The following KIF21A variants were observed in gnomAD, a reference collection of about 807,000 sequenced individuals.
KIF21A encodes kinesin-like protein KIF21A.
In KIF21A, 114 loss-of-function variants were observed where a neutral mutation model predicts 202.9. The observed-to-expected ratio is 0.56, with a 90% CI of 0.48 to 0.66. KIF21A has a LOEUF of 0.66. KIF21A is among the 30% of genes least tolerant of loss of function. The pLI, the probability that KIF21A is intolerant of heterozygous loss-of-function variation, is 0.00. For missense variants in KIF21A, 1,677 were observed against 1,994.9 expected (o/e 0.84, Z 3.04); for synonymous variants, 667 against 670.8 (o/e 0.99, Z 0.09).
At position 39,301,541 on chromosome 12, in the gene KIF21A, C is replaced by A. The variant is rs747732382; in HGVS notation, c.4870G>T (p.Gly1624Cys). Residue 1624 changes from glycine (G) to cysteine (C), a missense_variant, in exon 37 of 38, where the codon GGT becomes TGT. This residue lies in a region of KIF21A where 705 missense variants were observed against 791.9 expected (regional missense o/e 0.89). Coordinates refer to ENST00000361418, the MANE Select transcript of KIF21A (RefSeq NM_001173464.2). ...DTFMPVGEMK[G>C]HDSPINAICV... ...ATGGCATTGATAGGACTATCATGAC[C>A]CTTCATCTCTCCCACTGGCATAAAA... 1 of 1,613,968 alleles carries A rather than the reference C, an allele frequency of 6.2e-7. No individual in the cohort carries two copies. The highest frequency in any genetic ancestry group is 1.1e-5 in the South Asian group (1 of 91,070).
intron 1 of KIF21A, among the ~76,000 whole-genome samples, chr12:39,405,634 T>G (rs998783081): frequency 2.0e-5 from 3 of 152,156 alleles, no homozygotes; most frequent in African/African-American, 7.2e-5. Flanking sequence ...TACATTAACA[T>G]TTAAGAAACA....
chr12:39,350,811 A>C (rs1354555217), intron 11 of KIF21A, among the ~76,000 whole-genome samples: 1 of 152,070 alleles, frequency 6.6e-6, no homozygotes, highest in East Asian at 1.9e-4. Flanking sequence ...ACTTCCAATG[A>C]CTTTGATCAA....
chr12:39,366,282 A>G, intron 6 of KIF21A, 68 bp downstream of exon 6: 1 of 1,400,642 alleles, frequency 7.1e-7, no homozygotes, highest in Non-Finnish European at 1.0e-6. Flanking sequence ...TGGATATTAT[A>G]AATTACAAAA....
Position 39,315,244 on chromosome 12 carries a change from C to T in KIF21A, c.3948-4G>A. ...CCCTGCCTACCTTCTGGAGGATCTGCTGATGATCAGCAAAAATGGCCATAA... is the reference window on the plus strand; with the variant it reads ...CCCTGCCTACCTTCTGGAGGATCTGTTGATGATCAGCAAAAATGGCCATAA... On this transcript the variant is annotated splice_region_variant and splice_polypyrimidine_tract_variant and intron_variant, in intron 30 of 37. Transcript: ENST00000361418. 6.2e-7 allele frequency: 1 copy of T among 1,611,526 alleles called. No individual in the cohort carries two copies. Among genetic ancestry groups the T allele is most frequent in the Non-Finnish European group, 8.5e-7 (1 of 1,178,410 alleles).
intron 24 of KIF21A, among the ~76,000 whole-genome samples, chr12:39,326,613 G>C (rs956310425): frequency 6.6e-6 from 1 of 152,180 alleles, no homozygotes; most frequent in Non-Finnish European, 1.5e-5. Flanking sequence ...TATGAATACT[G>C]AAGAGTCATG....
At chr12:39,315,818 G>T in intron 30 of KIF21A, 114 bp downstream of exon 30, 1 of 798,460 alleles carries the variant, frequency 1.3e-6, no homozygotes, top group South Asian at 1.3e-5. Flanking sequence ...GCATTTATAT[G>T]ATTTACAACA....
chr12:39,371,490 A>G (rs2139213364), intron 1 of KIF21A, among the ~76,000 whole-genome samples: 1 of 152,324 alleles, frequency 6.6e-6, no homozygotes, highest in African/African-American at 2.4e-5. Context: ...AGAACAAACC[A>G]AAATCTAGTC....
intron 7 of KIF21A, among the ~76,000 whole-genome samples, chr12:39,361,631 G>A (rs1450006600): frequency 1.5e-5 from 2 of 129,478 alleles, no homozygotes; most frequent in Non-Finnish European, 3.1e-5. Flanking sequence ...TCAGCCTCCC[G>A]AGTAGCTGGG....
Position 39,340,199 on chromosome 12 carries a change from A to T in KIF21A, c.2276T>A (p.Leu759Ter). 1 of 1,612,972 alleles carries T rather than the reference A, an allele frequency of 6.2e-7. No individual in the cohort carries two copies. The highest frequency in any genetic ancestry group is 8.5e-7 in the Non-Finnish European group (1 of 1,179,552). ...QSQYEKQLKK[L>*]QQDVMEMKKT... is the part of the protein sequence containing the mutation. The stretch of plus-strand genomic sequence containing the variant: ...TTTCATTTCCATCACATCCTGCTGC[A>T]ATTTCTTCAATTGCTTTTCATACTG... The change falls in exon 16 of 38, where the codon TTG (leucine) becomes TAG (stop). Residue 759 changes from leucine to a stop codon, truncating the protein, a stop_gained. Coordinates refer to ENST00000361418, the MANE Select transcript of KIF21A (RefSeq NM_001173464.2). LOFTEE classifies it high-confidence loss of function.
intron 1 of KIF21A, among the ~76,000 whole-genome samples, chr12:39,377,110 T>C (rs1950317757): frequency 6.6e-6 from 1 of 152,158 alleles, no homozygotes; most frequent in Non-Finnish European, 1.5e-5. Context: ...TATTCAATAA[T>C]CTGACCTGAT....
chr12:39,414,929 T>C (rs1953417164), intron 1 of KIF21A, among the ~76,000 whole-genome samples: 1 of 111,878 alleles, frequency 8.9e-6, no homozygotes, highest in African/African-American at 5.5e-5. Flanking sequence ...GTTTTTTGGA[T>C]TTTTTTTTTT....
chr12:39,360,654 G>T (rs770822457), intron 7 of KIF21A, among the ~76,000 whole-genome samples: 1 of 150,246 alleles, frequency 6.7e-6, no homozygotes, highest in African/African-American at 2.5e-5. Flanking sequence ...AGGCCTCAAA[G>T]TACTGGGATT....
intron 21 of KIF21A, 186 bp from the exon 22 acceptor site, chr12:39,331,977 A>G: frequency 1.5e-6 from 1 of 673,440 alleles, no homozygotes; most frequent in Non-Finnish European, 2.6e-6. Flanking sequence ...TAAGCAGTTA[A>G]GAATTCAAGG....
intron 35 of KIF21A, 127 bp downstream of exon 35, chr12:39,304,694 T>C: frequency 3.1e-6 from 2 of 641,504 alleles, no homozygotes; most frequent in South Asian, 1.8e-5. Flanking sequence ...GAGGAAAAGA[T>C]TAAAAAGAAA....
chr12:39,361,491 A>G (rs1949204705), intron 7 of KIF21A, among the ~76,000 whole-genome samples: 1 of 151,384 alleles, frequency 6.6e-6, no homozygotes, highest in Non-Finnish European at 1.5e-5. Context: ...AAAAATGACA[A>G]TGTTGTATTC....
chr12:39,321,345 T>G (rs1355455279), intron 27 of KIF21A: 2 of 152,188 alleles, frequency 1.3e-5, no homozygotes, highest in African/African-American at 4.8e-5. Context: ...ACAAATAGAT[T>G]ACCTGAATCT....
intron 1 of KIF21A, among the ~76,000 whole-genome samples, chr12:39,412,500 C>G (rs1001862941): frequency 6.6e-6 from 1 of 152,042 alleles, no homozygotes; most frequent in African/African-American, 2.4e-5. Flanking sequence ...GCAGATCGCT[C>G]GAGCTCAGGA....
chr12:39,333,287 A>G lies in KIF21A; in HGVS notation c.2419-7T>C. ...CCAGAAGTCTAAGTTGATGCTATAAAATAATATTAAATAAGTGGAAATAGT... is the reference window on the plus strand; with the variant it reads ...CCAGAAGTCTAAGTTGATGCTATAAGATAATATTAAATAAGTGGAAATAGT... On this transcript the variant is annotated splice_polypyrimidine_tract_variant and splice_region_variant and intron_variant, in intron 17 of 37. Coordinates refer to ENST00000361418, the MANE Select transcript of KIF21A (RefSeq NM_001173464.2). 3 of 1,534,826 alleles carry G rather than the reference A, an allele frequency of 2.0e-6. No homozygotes were observed. Among genetic ancestry groups the G allele is most frequent in the Non-Finnish European group, 2.7e-6 (3 of 1,108,040 alleles).
At chr12:39,402,377 C>T (rs943108413) in intron 1 of KIF21A, among the ~76,000 whole-genome samples, 7 of 152,054 alleles carry the variant, frequency 4.6e-5, no homozygotes, top group Admixed American at 3.9e-4. Flanking sequence ...TTTAAGATGT[C>T]CTCTAAAGGG....
Sources: allele counts gnomAD v4.1 joint callset (sites outside exome capture counted in the v4.1 genomes callset), GRCh38; gene constraint gnomAD v4.1.1; regional missense constraint gnomAD v4.1.1; transcripts MANE v1.5; gene names NCBI Gene and HGNC (gene_info 2026-07-23, HGNC 2026-07-21).